Variants in CNKSR2 observed in about 807,000 individuals in gnomAD.
CNKSR2 encodes the protein CNK homolog protein 2.
In CNKSR2, 14 loss-of-function variants were observed where a neutral mutation model predicts 84.4. The observed-to-expected ratio is 0.17, with a 90% CI of 0.11 to 0.26. CNKSR2 has a LOEUF of 0.26. Ranked by LOEUF, CNKSR2 falls within the 10% of genes least tolerant of loss-of-function variation. CNKSR2 has a pLI of 1.00. For synonymous variants in CNKSR2, 275 were observed against 277.9 expected (o/e 0.99, Z 0.10); for missense variants, 485 against 771.2 (o/e 0.63, Z 4.40).
chrX:21,617,633 G>A (rs2092583262), intron 20 of CNKSR2, among the ~76,000 whole-genome samples: 1 of 111,061 alleles, frequency 9.0e-6, no homozygotes, highest in African/African-American at 3.3e-5. Flanking sequence ...TCTCTATCTT[G>A]TAACTCAGTG....
intron 1 of CNKSR2, among the ~76,000 whole-genome samples, chrX:21,410,032 CTG>C (rs60351010): frequency 0.062 from 6,060 of 97,136 alleles, 288 homozygotes; most frequent in African/African-American, 0.16. Flanking sequence ...CTAATTGTGT[CTG>C]TGTGTGTGTG....
At chrX:21,641,424 C>A in intron 20 of CNKSR2, 1 of 955,469 alleles carries the variant, frequency 1.0e-6, no homozygotes, top group Non-Finnish European at 1.4e-6. Flanking sequence ...TCTACTTTCT[C>A]TTCATGGGTA....
chrX:21,635,868 A>C (rs2092670299), intron 20 of CNKSR2, among the ~76,000 whole-genome samples: 1 of 110,919 alleles, frequency 9.0e-6, no homozygotes, highest in Non-Finnish European at 1.9e-5. Flanking sequence ...CAATTTGGAA[A>C]ATTCAAGTCG....
intron 6 of CNKSR2, chrX:21,495,665 C>G (rs2091486858): frequency 9.6e-6 from 1 of 104,548 alleles, no homozygotes; most frequent in Non-Finnish European, 2.0e-5. Context: ...CGCCTGTAAT[C>G]CCAGCTACTC....
At chrX:21,529,416 G>A (rs2091865455) in intron 10 of CNKSR2, among the ~76,000 whole-genome samples, 1 of 110,831 alleles carries the variant, frequency 9.0e-6, no homozygotes. Flanking sequence ...TGATAAAAAT[G>A]TAGAATTTAT....
intron 1 of CNKSR2, among the ~76,000 whole-genome samples, chrX:21,404,831 G>A (rs1045399386): frequency 7.5e-5 from 8 of 106,511 alleles, no homozygotes; most frequent in African/African-American, 2.7e-4. Flanking sequence ...TAAAGTAGAG[G>A]ATCTGACATT....
chrX:21,602,194 G>A (rs73451500), intron 18 of CNKSR2, among the ~76,000 whole-genome samples: 2,733 of 110,589 alleles, frequency 0.025, 88 homozygotes, highest in African/African-American at 0.086. Context: ...GCTGAAGTGC[G>A]GTGGCGTGAT....
At chrX:21,379,957 C>A (rs181719731) in intron 1 of CNKSR2, among the ~76,000 whole-genome samples, 1 of 111,055 alleles carries the variant, frequency 9.0e-6, no homozygotes. Flanking sequence ...CTAAATGTAG[C>A]GGCACAGCAA....
At chrX:21,581,885 G>A (rs755687277) in intron 13 of CNKSR2, among the ~76,000 whole-genome samples, 11 of 111,866 alleles carry the variant, frequency 9.8e-5, no homozygotes, top group South Asian at 3.7e-4. Context: ...AAAGCATTGC[G>A]TAGTATTGAG....
chrX:21,412,535 A>G (rs1022898961), intron 1 of CNKSR2, among the ~76,000 whole-genome samples: 4 of 112,087 alleles, frequency 3.6e-5, no homozygotes, highest in Non-Finnish European at 7.5e-5. Context: ...CAATTTTTTC[A>G]TGGTGAATTA....
intron 20 of CNKSR2, chrX:21,642,930 C>A: frequency 2.1e-6 from 1 of 487,179 alleles, no homozygotes; most frequent in Non-Finnish European, 2.5e-6. Flanking sequence ...AATGATGGTT[C>A]TGGTATATAG....
At chrX:21,463,333 T>C (rs925057781) in intron 4 of CNKSR2, among the ~76,000 whole-genome samples, 3 of 111,248 alleles carry the variant, frequency 2.7e-5, no homozygotes, top group Non-Finnish European at 3.8e-5. Flanking sequence ...CAGGGTAATA[T>C]TGGCCTTGTA....
chrX:21,459,213 A>G lies in CNKSR2; in HGVS notation c.520-11553A>G, dbSNP rs112394235. Among the ~76,000 whole-genome samples, 1,074 of 109,567 alleles carry G rather than the reference A, an allele frequency of 9.8e-3. 13 individuals are homozygous for G. Among genetic ancestry groups the G allele is most frequent in the African/African-American group, 0.032 (979 of 30,160 alleles). Reference sequence around the variant, plus strand: ...TACTTTTTGTATTTTTGGTAGAGACAGGGTTTCACCATGTTGGCCAAGCTG... The same window carrying G: ...TACTTTTTGTATTTTTGGTAGAGACGGGGTTTCACCATGTTGGCCAAGCTG... On this transcript the variant is annotated intron_variant, in intron 4 of 21. Transcript: ENST00000379510.
intron 4 of CNKSR2, among the ~76,000 whole-genome samples, chrX:21,456,979 T>A (rs1287139135): frequency 9.0e-6 from 1 of 111,667 alleles, no homozygotes; most frequent in African/African-American, 3.2e-5. Flanking sequence ...TTTTGAACAT[T>A]TTTTCATATA....
At chrX:21,415,535 G>A (rs1473711550) in intron 1 of CNKSR2, among the ~76,000 whole-genome samples, 2 of 104,025 alleles carry the variant, frequency 1.9e-5, no homozygotes, top group Admixed American at 2.1e-4. Flanking sequence ...CCACCTATGA[G>A]TGAGAACATG....
At chrX:21,415,123 A>G (rs1174679887) in intron 1 of CNKSR2, among the ~76,000 whole-genome samples, 2 of 111,695 alleles carry the variant, frequency 1.8e-5, no homozygotes. Flanking sequence ...ATTGCATTGA[A>G]TCTGTAGATT....
chrX:21,613,141 A>T (rs755357223), intron 20 of CNKSR2, among the ~76,000 whole-genome samples: 6 of 112,485 alleles, frequency 5.3e-5, no homozygotes, highest in Admixed American at 9.4e-5. Flanking sequence ...TAACTTACAA[A>T]TTATGTCATT....
intron 8 of CNKSR2, among the ~76,000 whole-genome samples, chrX:21,502,362 T>G (rs2147068041): frequency 9.3e-6 from 1 of 107,403 alleles, no homozygotes; most frequent in African/African-American, 3.3e-5. Context: ...TTCCACTCTC[T>G]CTGCCAAAAT....
chrX:21,381,169 A>G (rs2089893924), intron 1 of CNKSR2, among the ~76,000 whole-genome samples: 1 of 111,985 alleles, frequency 8.9e-6, no homozygotes, highest in Non-Finnish European at 1.9e-5. Flanking sequence ...GCTTTTTAAA[A>G]CATTATATTA....
Sources: allele counts gnomAD v4.1 joint callset (sites outside exome capture counted in the v4.1 genomes callset), GRCh38; gene constraint gnomAD v4.1.1; transcripts MANE v1.5; gene names NCBI Gene and HGNC (gene_info 2026-07-23, HGNC 2026-07-21).